The following BICD1 variants were observed in gnomAD, a reference collection of about 807,000 sequenced individuals.
BICD1 encodes protein bicaudal D homolog 1.
BICD1 carries 35 observed loss-of-function variants against 92.5 expected under a neutral mutation model. That is an observed-to-expected ratio of 0.38 (90% CI 0.29 to 0.50). The LOEUF (loss-of-function observed/expected upper bound fraction) is 0.50, where lower values mean the gene tolerates loss of function less well. Ranked by LOEUF, BICD1 falls within the 20% of genes least tolerant of loss-of-function variation. BICD1 has a pLI of 0.93. For synonymous variants in BICD1, 429 were observed against 465.1 expected, an observed-to-expected ratio of 0.92 and a Z score of 1.00; for missense variants, 950 against 1,189.8, an observed-to-expected ratio of 0.80 and a Z score of 2.97.
rs140970877 is a variant in BICD1 at position 32,216,339 on chromosome 12, G to T, written c.306G>T (p.Glu102Asp). Residue 102 changes from glutamate (E) to aspartate (D), a missense_variant, in exon 2 of 10, where the codon GAG (glutamate) becomes GAT (aspartate). Transcript: ENST00000652176. ...TTCTGCAGGAGTCAGCATCGAAGGA[G>T]GCTTACTATCTGGGGAAGATCTTGG... The part of the protein sequence containing the change: ...ETLLQESASK[E>D]AYYLGKILEM... 5.0e-6 allele frequency: 8 copies of T among 1,614,196 alleles called. No homozygotes were observed. Among genetic ancestry groups the T allele is most frequent in the Middle Eastern group, 3.3e-4 (2 of 6,058 alleles).
chr12:32,118,141 G>A (rs1029063474), intron 1 of BICD1, among the ~76,000 whole-genome samples: 45 of 150,174 alleles, frequency 3.0e-4, no homozygotes, highest in Admixed American at 1.3e-4. Flanking sequence ...GAGTGCAGTG[G>A]CGCGAACTCG....
Position 32,204,397 on chromosome 12 carries a change from C to A in BICD1, c.214-11850C>A, listed in dbSNP as rs867299468. Among the ~76,000 whole-genome samples, 3 of 151,140 alleles carry A rather than the reference C, an allele frequency of 2.0e-5. No homozygotes were observed. The East Asian group carries it at 5.8e-4, about 29-fold the overall frequency. On this transcript the variant is annotated intron_variant, in intron 1 of 9. Coordinates refer to ENST00000652176, the MANE Select transcript of BICD1 (RefSeq NM_001714.4). Reference sequence around the variant, plus strand: ...AATGGTCAATAAAAATGTGAAACTACTTAACTTCATTAGTAATCAGGGAAA... The same window carrying A: ...AATGGTCAATAAAAATGTGAAACTAATTAACTTCATTAGTAATCAGGGAAA...
chr12:32,297,914 G>A (rs1054176087), intron 3 of BICD1, among the ~76,000 whole-genome samples: 4 of 152,048 alleles, frequency 2.6e-5, no homozygotes, highest in Non-Finnish European at 5.9e-5. Flanking sequence ...GGCCAGGCAC[G>A]GTGGCTCATG....
Position 32,226,497 on chromosome 12 carries a change from TA to T in BICD1, c.426+10040del, listed in dbSNP as rs1457364438. 5.9e-5 allele frequency among the ~76,000 whole-genome samples: 9 copies of T among 152,344 alleles called. No homozygotes were observed. The East Asian group carries it at 1.7e-3, about 29-fold the overall frequency. On this transcript the variant is annotated intron_variant, in intron 2 of 9. Coordinates refer to ENST00000652176, the MANE Select transcript of BICD1 (RefSeq NM_001714.4). ...TGTCAAATAGAGAATTATCTTTAAA[TA>T]ACCATCTCCTCACTTCACACTTAGT...
chr12:32,142,453 C>CCTATCTATCTATCCTATCTGT (rs772125865), intron 1 of BICD1, among the ~76,000 whole-genome samples: 2 of 112,882 alleles, frequency 1.8e-5, no homozygotes, highest in Non-Finnish European at 3.4e-5. Flanking sequence ...ACCTATCTAT[C>CCTATCTATCTATCCTATCTGT]CTATCTATCT....
chr12:32,368,991 A>G (rs1238135516), intron 9 of BICD1, among the ~76,000 whole-genome samples: 1 of 152,236 alleles, frequency 6.6e-6, no homozygotes, highest in East Asian at 1.9e-4. Context: ...CTGTCCACTC[A>G]GTAGCCTTGG....
intron 1 of BICD1, among the ~76,000 whole-genome samples, chr12:32,110,597 T>C (rs911788465): frequency 2.6e-5 from 4 of 152,154 alleles, no homozygotes; most frequent in African/African-American, 7.2e-5. Context: ...GCCTGGCTGA[T>C]TATATGTTTG....
chr12:32,217,203 G>A (rs74072019), intron 2 of BICD1, among the ~76,000 whole-genome samples: 4 of 152,246 alleles, frequency 2.6e-5, no homozygotes, highest in East Asian at 1.9e-4. Flanking sequence ...CATTCACTCC[G>A]TATTTTGATA....
chr12:32,260,986 C>T (rs760459278), intron 2 of BICD1, among the ~76,000 whole-genome samples: 1 of 152,164 alleles, frequency 6.6e-6, no homozygotes, highest in Non-Finnish European at 1.5e-5. Flanking sequence ...GCCTTGTAGG[C>T]GAATATGCCA....
intron 8 of BICD1, among the ~76,000 whole-genome samples, chr12:32,359,110 C>A (rs77983412): frequency 0.024 from 3,574 of 151,608 alleles, 136 homozygotes; most frequent in African/African-American, 0.08. Flanking sequence ...GATTTTAGGA[C>A]AATCTATAAC....
intron 3 of BICD1, among the ~76,000 whole-genome samples, chr12:32,296,246 GT>G (rs373702037): frequency 3.7e-5 from 4 of 108,610 alleles, no homozygotes; most frequent in Admixed American, 1.3e-4. Context: ...ATAAGAAGGG[GT>G]TTTTTTTTGT....
At position 32,377,590 on chromosome 12, in the gene BICD1, C is replaced by A. The variant is rs746149233; in HGVS notation, c.2891C>A (p.Ala964Asp). 1.2e-6 allele frequency: 2 copies of A among 1,614,132 alleles called. No individual in the cohort carries two copies. The highest frequency in any genetic ancestry group is 1.7e-5 in the Admixed American group (1 of 60,020). Reference protein sequence around the residue: ...EEQPHSSSQCAPLHCLSKPPH... With the variant: ...EEQPHSSSQCDPLHCLSKPPH... ...CAGCCACATTCCAGCTCCCAGTGCG[C>A]CCCTCTCCACTGTCTCTCCAAGCCT... Residue 964 changes from alanine to aspartate, a missense_variant, in exon 10 of 10, where the codon GCC becomes GAC. Physicochemically the swap from Ala to Asp is moderately radical, Grantham distance 126. Around this residue, in one of 5 missense-constraint regions of BICD1, gnomAD observed 179 missense variants for 186.7 expected, o/e 0.96. Transcript: ENST00000652176.
Position 32,188,019 on chromosome 12 carries a change from A to T in BICD1, c.214-28228A>T, listed in dbSNP as rs181326222. The stretch of plus-strand genomic sequence containing the variant: ...AATGGCACGATCTCGGCTCACTGCA[A>T]CCTCCGCCTCCCGGGTTCATGCAAT... On this transcript the variant is annotated intron_variant, in intron 1 of 9. Transcript: ENST00000652176. 4.4e-3 allele frequency among the ~76,000 whole-genome samples: 660 copies of T among 151,610 alleles called. 3 individuals are homozygous for T. The highest frequency in any genetic ancestry group is 0.015 in the African/African-American group (630 of 41,352).
At chr12:32,376,240 T>C (rs1023298011) in intron 9 of BICD1, among the ~76,000 whole-genome samples, 5 of 152,078 alleles carry the variant, frequency 3.3e-5, no homozygotes, top group Non-Finnish European at 7.4e-5. Context: ...CACGCCACCA[T>C]ACCCAGCTAA....
rs887964391 is a variant in BICD1, at chr12:32,379,525, C to T, written c.*1898C>T. 6.6e-6 allele frequency: 1 copy of T among 152,208 alleles called. No individual in the cohort carries two copies. The highest frequency in any genetic ancestry group is 1.5e-5 in the Non-Finnish European group (1 of 68,052). 9.4% of individuals were successfully genotyped at this position (152,208 alleles called of 1,614,324 possible). A position where few individuals can be genotyped will look rare whatever the true frequency, so the allele number is the denominator to read the frequency against. On this transcript the variant is annotated 3_prime_UTR_variant, in exon 10 of 10. Coordinates refer to ENST00000652176, the MANE Select transcript of BICD1 (RefSeq NM_001714.4). ...CAGCCTAACCTTCTGCTCTTTTCTA[C>T]CTGCATGGCCTTGCTGTTCCTAAAC...
In BICD1 at chr12:32,377,660, G is replaced by A. The variant is rs764977106; in HGVS notation, c.*33G>A. ...CTCCTGTGGACGAACATCTGGGGTG[G>A]AAGTTTTGTAGCCACACACAGGATA... On this transcript the variant is annotated 3_prime_UTR_variant, in exon 10 of 10. Transcript: ENST00000652176. 3 of 1,573,778 alleles carry A rather than the reference G, an allele frequency of 1.9e-6. No homozygotes were observed. The highest frequency in any genetic ancestry group is 8.7e-7 in the Non-Finnish European group (1 of 1,143,478).
intron 2 of BICD1, among the ~76,000 whole-genome samples, chr12:32,290,417 C>G (rs1947695037): frequency 6.6e-6 from 1 of 152,194 alleles, no homozygotes; most frequent in Admixed American, 6.5e-5. Context: ...ATATTATCAC[C>G]AGGTAAAGTG....
chr12:32,217,283 C>T (rs1945388518), intron 2 of BICD1, among the ~76,000 whole-genome samples: 1 of 152,202 alleles, frequency 6.6e-6, no homozygotes, highest in African/African-American at 2.4e-5. Flanking sequence ...GACAGGTCCA[C>T]AACCAAGTGG....
chr12:32,321,178 T>C (rs1592669359), intron 4 of BICD1, among the ~76,000 whole-genome samples: 1 of 151,820 alleles, frequency 6.6e-6, no homozygotes, highest in African/African-American at 2.4e-5. Context: ...ATACAAAAAT[T>C]AGCCGGGCGT....
Sources: gnomAD v4.1 joint callset for allele counts (sites outside exome capture counted in the v4.1 genomes callset) on GRCh38, gnomAD v4.1.1 for gene constraint, gnomAD v4.1.1 regional missense constraint, MANE v1.5 for transcripts, NCBI Gene and HGNC (gene_info 2026-07-23, HGNC 2026-07-21) for gene names.